CBX1: variants seen among roughly 807,000 people sequenced by gnomAD.
CBX1 encodes the protein chromobox protein homolog 1.
A neutral mutation model predicts 25.1 loss-of-function variants in CBX1; 10 were observed. That is an observed-to-expected ratio of 0.40 (90% CI 0.25 to 0.68). The LOEUF is 0.68. Ranked by LOEUF, CBX1 falls within the 30% of genes least tolerant of loss-of-function variation. The pLI is 0.40. For synonymous variants in CBX1, 63 were observed against 79.4 expected, an observed-to-expected ratio of 0.79 and a Z score of 1.10; for missense variants, 106 against 218.5, an observed-to-expected ratio of 0.49 and a Z score of 3.25.
chr17:48,096,304 G>C, intron 1 of CBX1: 1 of 976,830 alleles, frequency 1.0e-6, no homozygotes. Context: ...AACCCCTTGA[G>C]TATGTTGACA....
At chr17:48,101,229 C>T in intron 1 of CBX1, 39 bp downstream of exon 1, 3 of 990,212 alleles carry the variant, frequency 3.0e-6, no homozygotes, top group Non-Finnish European at 3.6e-6. Flanking sequence ...GCCGCCGCGC[C>T]CCCTCCCCCA....
intron 1 of CBX1, among the ~76,000 whole-genome samples, chr17:48,098,947 A>G (rs1408328684): frequency 6.6e-6 from 1 of 152,240 alleles, no homozygotes; most frequent in Non-Finnish European, 1.5e-5. Flanking sequence ...TAAAATGGGC[A>G]CAAGAATGAG....
rs184450970 is a variant in CBX1, at chr17:48,081,195, C to T, written c.-37-4154G>A. ...TTGACCTCCCAAAGTGCTGGGATTACTGGCATGAGATCTGGCCAAAAAATA... is the reference window on the plus strand; with the variant it reads ...TTGACCTCCCAAAGTGCTGGGATTATTGGCATGAGATCTGGCCAAAAAATA... On this transcript the variant is annotated intron_variant, in intron 1 of 4. Transcript: ENST00000225603. 7.3e-5 allele frequency among the ~76,000 whole-genome samples: 11 copies of T among 151,368 alleles called. No homozygotes were observed. The East Asian group carries it at 2.2e-3, about 30-fold the overall frequency.
intron 1 of CBX1, among the ~76,000 whole-genome samples, chr17:48,082,153 C>T (rs906749043): frequency 6.6e-6 from 1 of 152,034 alleles, no homozygotes; most frequent in Non-Finnish European, 1.5e-5. Context: ...CTGCTGTGAG[C>T]TGTGATTGTG....
chr17:48,081,684 TGCCTGCCTCG>T (rs1259751603), intron 1 of CBX1, among the ~76,000 whole-genome samples: 5 of 151,746 alleles, frequency 3.3e-5, no homozygotes, highest in Non-Finnish European at 5.9e-5. Context: ...TCAGGTGATC[TGCCTGCCTCG>T]GCCTCCCAAA....
chr17:48,077,092 T>C (rs1246835061), intron 1 of CBX1, 51 bp from the exon 2 acceptor site: 4 of 1,419,924 alleles, frequency 2.8e-6, no homozygotes, highest in Non-Finnish European at 3.8e-6. Context: ...TCTTATTGGT[T>C]AGATAATATC....
intron 1 of CBX1, among the ~76,000 whole-genome samples, chr17:48,080,925 A>T (rs2037725110): frequency 3.9e-5 from 1 of 25,368 alleles, no homozygotes; most frequent in African/African-American, 1.6e-4. Context: ...ATCTCAAAAA[A>T]AAAAAAAAAA....
intron 1 of CBX1, among the ~76,000 whole-genome samples, chr17:48,079,864 C>T (rs1177956195): frequency 6.6e-6 from 1 of 152,054 alleles, no homozygotes; most frequent in Non-Finnish European, 1.5e-5. Flanking sequence ...AAACTGGAAC[C>T]CTGTAAAAAT....
At chr17:48,087,730 G>A (rs2063320590) in intron 1 of CBX1, among the ~76,000 whole-genome samples, 1 of 151,776 alleles carries the variant, frequency 6.6e-6, no homozygotes, top group South Asian at 2.1e-4. Context: ...AAATTGGCCG[G>A]GCATAGTGGC....
intron 1 of CBX1, among the ~76,000 whole-genome samples, chr17:48,078,331 T>C (rs1598305463): frequency 6.6e-6 from 1 of 152,192 alleles, no homozygotes. Flanking sequence ...TAGCTGTGAC[T>C]ACCGGCGCCC....
intron 1 of CBX1, among the ~76,000 whole-genome samples, chr17:48,085,710 A>G (rs2063308346): frequency 6.6e-6 from 1 of 152,168 alleles, no homozygotes; most frequent in Non-Finnish European, 1.5e-5. Flanking sequence ...CATAGTGTAG[A>G]ATTTTTTAAG....
intron 1 of CBX1, among the ~76,000 whole-genome samples, chr17:48,085,081 T>C (rs962718124): frequency 1.3e-5 from 2 of 152,226 alleles, no homozygotes; most frequent in Admixed American, 6.5e-5. Context: ...TATCACAATA[T>C]TGTAAACAAA....
intron 1 of CBX1, among the ~76,000 whole-genome samples, chr17:48,086,007 T>C (rs1231798962): frequency 6.6e-6 from 1 of 152,086 alleles, no homozygotes; most frequent in East Asian, 1.9e-4. Flanking sequence ...GCGGCAGACA[T>C]TGGCAGTGAG....
At chr17:48,076,434 G>A (rs1296114122) in intron 2 of CBX1, among the ~76,000 whole-genome samples, 2 of 152,224 alleles carry the variant, frequency 1.3e-5, no homozygotes, top group East Asian at 3.8e-4. Flanking sequence ...GCTGGGTACA[G>A]TGGCTCATGC....
rs776869385 is a variant in CBX1 at position 48,076,888 on chromosome 17, G to A, written c.117C>T (p.Leu39=). 5 of 1,611,812 alleles carry A rather than the reference G, an allele frequency of 3.1e-6. No individual in the cohort carries two copies. The highest frequency in any genetic ancestry group is 4.2e-6 in the Non-Finnish European group (5 of 1,179,460). ...RRVVKGKVEY[L]LKWKGFSDED... ...ACTCTGAGAATCCCTTCCACTTTAGGAGGTACTCCACTTTGCCCTTTACCA... is the reference window on the plus strand; with the variant it reads ...ACTCTGAGAATCCCTTCCACTTTAGAAGGTACTCCACTTTGCCCTTTACCA... The change falls in exon 2 of 5, where the codon CTC becomes CTT. Residue 39 remains leucine, a synonymous_variant. Coordinates refer to ENST00000225603, the MANE Select transcript of CBX1 (RefSeq NM_001127228.2).
intron 4 of CBX1, among the ~76,000 whole-genome samples, chr17:48,072,452 G>A (rs971316100): frequency 2.6e-5 from 4 of 152,144 alleles, no homozygotes; most frequent in South Asian, 2.1e-4. Context: ...TTTCAACATC[G>A]GGAGTAGAAA....
At chr17:48,078,268 C>A (rs1199854363) in intron 1 of CBX1, among the ~76,000 whole-genome samples, 3 of 151,860 alleles carry the variant, frequency 2.0e-5, no homozygotes, top group African/African-American at 7.3e-5. Flanking sequence ...TCTCAGCTCA[C>A]TGCAAGCTCC....
chr17:48,094,326 C>G (rs1043158689), intron 1 of CBX1, among the ~76,000 whole-genome samples: 4 of 151,560 alleles, frequency 2.6e-5, no homozygotes, highest in Non-Finnish European at 4.4e-5. Flanking sequence ...CCCAGATAGT[C>G]AGGAGGCTAA....
chr17:48,082,346 C>CA (rs1195080198), intron 1 of CBX1, among the ~76,000 whole-genome samples: 10 of 151,242 alleles, frequency 6.6e-5, no homozygotes, highest in African/African-American at 2.4e-4. Context: ...ACTAAAAATA[C>CA]AAAAAATTAG....
Sources: gnomAD v4.1 joint callset for allele counts (sites outside exome capture counted in the v4.1 genomes callset) on GRCh38, gnomAD v4.1.1 for gene constraint, MANE v1.5 for transcripts, NCBI Gene and HGNC (gene_info 2026-07-23, HGNC 2026-07-21) for gene names.